Variants in RANBP1 observed in about 807,000 individuals in gnomAD.
RANBP1 encodes RAN binding protein 1, also known as ran-specific GTPase-activating protein.
RANBP1 carries 16 observed loss-of-function variants against 31.4 expected under a neutral mutation model. The ratio of observed to expected loss-of-function variants is 0.51; its 90% confidence interval spans 0.34 to 0.77. The LOEUF (loss-of-function observed/expected upper bound fraction) is 0.77, where lower values mean the gene tolerates loss of function less well. Among genes scored for constraint, RANBP1 ranks in the 30% least tolerant of loss-of-function variants. The probability of loss-of-function intolerance (pLI) is 0.01; values close to 1 mark genes in which losing one functional copy is unlikely to be tolerated. For synonymous variants in RANBP1, 129 were observed against 140.5 expected, an observed-to-expected ratio of 0.92 and a Z score of 0.58; for missense variants, 265 against 362.0, an observed-to-expected ratio of 0.73 and a Z score of 2.17.
intron 1 of RANBP1, chr22:20,116,766 C>G (rs912332472): frequency 7.0e-6 from 10 of 1,431,746 alleles, no homozygotes; most frequent in Middle Eastern, 1.9e-4. Context: ...ATTCCCGTCT[C>G]CTTTCCTCCC....
intron 1 of RANBP1, 115 bp from the exon 2 acceptor site, chr22:20,118,898 C>T: frequency 9.0e-7 from 1 of 1,112,828 alleles, no homozygotes; most frequent in Non-Finnish European, 1.3e-6. Flanking sequence ...TTGGGCCCAT[C>T]CTTGTATCTG....
intron 4 of RANBP1, 92 bp from the exon 5 acceptor site, chr22:20,126,211 G>T: frequency 7.0e-7 from 1 of 1,433,606 alleles, no homozygotes; most frequent in Non-Finnish European, 9.5e-7. Flanking sequence ...CATGAAATGG[G>T]TCTTCTGTGA....
At chr22:20,126,046 T>C (rs1602553640) in intron 4 of RANBP1, among the ~76,000 whole-genome samples, 1 of 152,178 alleles carries the variant, frequency 6.6e-6, no homozygotes. Context: ...TCCAACACGG[T>C]TGGGAGCCGA....
At chr22:20,126,834 T>A in intron 5 of RANBP1, 118 bp from the exon 6 acceptor site, 1 of 1,409,762 alleles carries the variant, frequency 7.1e-7, no homozygotes, top group Non-Finnish European at 9.8e-7. Context: ...CAGGAGTCTG[T>A]CCCGAGGGCG....
At chr22:20,126,231 C>G in intron 4 of RANBP1, 72 bp from the exon 5 acceptor site, 1 of 1,542,530 alleles carries the variant, frequency 6.5e-7, no homozygotes, top group Non-Finnish European at 8.8e-7. Context: ...AATCCTGACT[C>G]TTCAGACCCG....
Position 20,116,414 on chromosome 22 carries a change from G to A in RANBP1, c.230G>A (p.Ser77Asn), listed in dbSNP as rs769842332. The change falls in exon 1 of 6, where the codon AGT becomes AAT. Residue 77 changes from serine (S) to asparagine (N), a missense_variant. Physicochemically the swap from Ser to Asn is conservative, Grantham distance 46 (BLOSUM62 1). This residue lies in a region of RANBP1 where 126 missense variants were observed against 123.6 expected (regional missense o/e 1.02). Transcript: ENST00000430524. ...TGGCGAGGCACGTTCTGCAGCTCCA[G>A]TTTAAAGATCTCAGAGGTAAACAAG... ...LAWRGTFCSS[S>N]LKISEDTHED... The A allele has an allele frequency of 1.7e-5, 28 of 1,611,876 alleles. No homozygotes were observed. The Admixed American group carries it at 2.8e-4, about 16-fold the overall frequency.
chr22:20,118,350 T>C (rs2147973854), intron 1 of RANBP1: 1 of 1,002,042 alleles, frequency 1.0e-6, no homozygotes, highest in South Asian at 4.7e-5. Flanking sequence ...AAAATATGAT[T>C]ATTGGTGCTC....
intron 5 of RANBP1, 155 bp downstream of exon 5, chr22:20,126,523 A>G (rs1219245974): frequency 1.3e-6 from 2 of 1,583,734 alleles, no homozygotes; most frequent in African/African-American, 1.3e-5. Flanking sequence ...CTGGGGACAC[A>G]GGTGCTTCCT....
intron 1 of RANBP1, chr22:20,117,565 A>T: frequency 7.1e-7 from 1 of 1,405,432 alleles, no homozygotes; most frequent in Non-Finnish European, 9.3e-7. Context: ...CCAGACGCGG[A>T]GGGAAGGAGC....
rs564015023 is a variant in RANBP1, at chr22:20,125,315, G to T, written c.549G>T (p.Pro183=). Residue 183 remains proline (P), a synonymous_variant, in exon 4 of 6, where the codon CCG becomes CCT. Transcript: ENST00000430524. ...LKICANHYIT[P]MMELKPNAGS... The stretch of plus-strand genomic sequence containing the variant: ...GAGCTTCTCTCTCTTCAGTCACGCC[G>T]ATGATGGAGCTGAAGCCCAACGCAG... The T allele has an allele frequency of 1.2e-6, 2 of 1,611,544 alleles. No individual in the cohort carries two copies. The highest frequency in any genetic ancestry group is 1.7e-5 in the Admixed American group (1 of 60,008).
intron 5 of RANBP1, chr22:20,126,618 A>C (rs758101203): frequency 6.5e-7 from 1 of 1,527,088 alleles, no homozygotes; most frequent in Non-Finnish European, 8.8e-7. Context: ...GGAGCTCACC[A>C]GAAGGTGCTT....
Position 20,127,071 on chromosome 22 carries a change from C to G in RANBP1, c.*19C>G. 4 of 1,578,198 alleles carry G rather than the reference C, an allele frequency of 2.5e-6. No homozygotes were observed. Among genetic ancestry groups the G allele is most frequent in the Non-Finnish European group, 3.4e-6 (4 of 1,162,652 alleles). ...GCAATAAATCGTCTTATTTTATTTT[C>G]TTTTCCTCTCTTTCCTTTCCTTTTT... On this transcript the variant is annotated 3_prime_UTR_variant, in exon 6 of 6. Transcript: ENST00000430524.
chr22:20,126,736 G>C (rs1052500764), intron 5 of RANBP1: 9 of 1,440,674 alleles, frequency 6.2e-6, no homozygotes, highest in Non-Finnish European at 8.4e-6. Context: ...GCCTGACCAT[G>C]GTCTAGGCAG....
At position 20,127,114 on chromosome 22, in the gene RANBP1, GC is replaced by G. The variant is rs1389900716; in HGVS notation, c.*66del. The G allele has an allele frequency of 8.6e-6, 12 of 1,388,568 alleles. No homozygotes were observed. The highest frequency in any genetic ancestry group is 2.6e-4 in the Middle Eastern group (1 of 3,792). The allele number at this position is 1,388,568 out of a possible 1,614,324, so 86.0% of individuals were successfully genotyped here. A position where few individuals can be genotyped will look rare whatever the true frequency, so the allele number is the denominator to read the frequency against. ...TCCTTTTTTTAAAAAATTTTACCCTGCCCCTCTTTTTCGGTTTGTTTTTATT... is the reference window on the plus strand; with the variant it reads ...TCCTTTTTTTAAAAAATTTTACCCTGCCCTCTTTTTCGGTTTGTTTTTATT... On this transcript the variant is annotated 3_prime_UTR_variant, in exon 6 of 6. Transcript: ENST00000430524.
At chr22:20,116,935 G>A in intron 1 of RANBP1, 3 of 1,581,928 alleles carry the variant, frequency 1.9e-6, no homozygotes, top group Non-Finnish European at 2.6e-6. Flanking sequence ...CCTAGACCAG[G>A]GACGCCATGG....
At chr22:20,121,843 A>T (rs1448074652) in intron 2 of RANBP1, among the ~76,000 whole-genome samples, 1 of 138,344 alleles carries the variant, frequency 7.2e-6, no homozygotes, top group Non-Finnish European at 1.6e-5. Context: ...GGCTCAAGTG[A>T]TTGTCGTGCC....
At chr22:20,126,911 A>G (rs1039481805) in intron 5 of RANBP1, 41 bp from the exon 6 acceptor site, 9 of 1,600,404 alleles carry the variant, frequency 5.6e-6, no homozygotes, top group Admixed American at 1.7e-5. Flanking sequence ...GCTTGAATGC[A>G]CCGTGCTTCT....
chr22:20,122,625 C>G (rs1157143769), intron 3 of RANBP1: 3 of 1,517,922 alleles, frequency 2.0e-6, no homozygotes, highest in East Asian at 2.6e-5. Context: ...GCTTAGAGCA[C>G]ACGGGGGTGT....
rs1397677288 is a variant in RANBP1 at position 20,117,413 on chromosome 22, C to T, written c.246+983C>T. ...GTTTTGGCGGGAAGCGCGGGGCGGG[C>T]CGGACAATGAGAGTGTCCGCCTCCT... On this transcript the variant is annotated intron_variant, in intron 1 of 5. Transcript: ENST00000430524. 5.0e-6 allele frequency: 6 copies of T among 1,207,880 alleles called. No homozygotes were observed. In the East Asian group the frequency reaches 1.1e-4, roughly 23 times the overall value. 74.8% of individuals were successfully genotyped at this position (1,207,880 alleles called of 1,614,324 possible). A position where few individuals can be genotyped will look rare whatever the true frequency, so the allele number is the denominator to read the frequency against.
Sources: gnomAD v4.1 joint callset for allele counts (sites outside exome capture counted in the v4.1 genomes callset) on GRCh38, gnomAD v4.1.1 for gene constraint, gnomAD v4.1.1 regional missense constraint, MANE v1.5 for transcripts, NCBI Gene and HGNC (gene_info 2026-07-23, HGNC 2026-07-21) for gene names.